Variants in R3HDM2 observed in about 807,000 individuals in gnomAD.
R3HDM2 encodes the protein R3H domain containing 2, also known as R3H domain-containing protein 2.
R3HDM2 carries 38 observed loss-of-function variants against 124.5 expected under a neutral mutation model. The observed-to-expected ratio is 0.31, with a 90% confidence interval of 0.24 to 0.40. R3HDM2 has a LOEUF of 0.40. Among genes scored for constraint, R3HDM2 ranks in the 10% least tolerant of loss-of-function variants. The probability of loss-of-function intolerance (pLI) is 1.00; values close to 1 mark genes in which losing one functional copy is unlikely to be tolerated. For synonymous variants in R3HDM2, 391 were observed against 448.0 expected, an observed-to-expected ratio of 0.87 and a Z score of 1.61; for missense variants, 869 against 1,236.9, an observed-to-expected ratio of 0.70 and a Z score of 4.46.
chr12:57,365,682 T>C (rs1023061979), intron 2 of R3HDM2, among the ~76,000 whole-genome samples: 1 of 152,198 alleles, frequency 6.6e-6, no homozygotes, highest in African/African-American at 2.4e-5. Flanking sequence ...ATGCCTGTAA[T>C]CCCAGCACTT....
chr12:57,283,807 A>C lies in R3HDM2; in HGVS notation c.1171+17T>G. On this transcript the variant is annotated intron_variant, in intron 13 of 23. Coordinates refer to ENST00000402412, the MANE Select transcript of R3HDM2 (RefSeq NM_001394031.1). ...AGAAGGGATGGGTATGACATGGAAG[A>C]AAAGAAGCTGTAATACCTGGCCTGG... 6.2e-7 allele frequency: 1 copy of C among 1,610,394 alleles called. No individual in the cohort carries two copies. Among genetic ancestry groups the C allele is most frequent in the South Asian group, 1.1e-5 (1 of 91,016 alleles).
At chr12:57,279,942 A>G (rs1416124659) in intron 14 of R3HDM2, among the ~76,000 whole-genome samples, 1 of 152,186 alleles carries the variant, frequency 6.6e-6, no homozygotes, top group African/African-American at 2.4e-5. Flanking sequence ...CCAACACATA[A>G]ATAGGTGTTT....
rs1273699662 is a variant in R3HDM2 at position 57,269,428 on chromosome 12, G to A, written c.1609C>T (p.Pro537Ser). ...PQQIQVSYYP[P>S]GQYPNSNQQY... ...TGGTTGGAGTTAGGATATTGTCCAG[G>A]GGGATAGTAAGAAACCTGGATCTAT... The change falls in exon 16 of 24, where the codon CCT (proline) becomes TCT (serine). Residue 537 changes from proline (P) to serine (S), a missense_variant. Pro to Ser is a moderately conservative substitution (Grantham distance 74). Coordinates refer to ENST00000402412, the MANE Select transcript of R3HDM2 (RefSeq NM_001394031.1). 6.2e-7 allele frequency: 1 copy of A among 1,614,094 alleles called. No homozygotes were observed.
intron 2 of R3HDM2, among the ~76,000 whole-genome samples, chr12:57,392,214 T>C (rs1014526382): frequency 1.3e-5 from 2 of 152,042 alleles, no homozygotes; most frequent in Non-Finnish European, 2.9e-5. Context: ...TAAGGGAAAA[T>C]CTTAAAAGCA....
intron 13 of R3HDM2, among the ~76,000 whole-genome samples, chr12:57,282,112 C>T (rs1473757038): frequency 5.3e-5 from 8 of 151,960 alleles, no homozygotes; most frequent in African/African-American, 1.7e-4. Context: ...GAGTTTGAGA[C>T]CAGCCTGGCC....
chr12:57,295,921 A>G (rs1210863587), intron 9 of R3HDM2, among the ~76,000 whole-genome samples: 1 of 152,160 alleles, frequency 6.6e-6, no homozygotes, highest in Non-Finnish European at 1.5e-5. Flanking sequence ...CCCAAGCTGG[A>G]GTGCATGGCG....
chr12:57,392,679 C>T lies in R3HDM2; in HGVS notation c.-36+3070G>A, dbSNP rs142062169. Among the ~76,000 whole-genome samples the T allele has an allele frequency of 2.2e-3, 328 of 152,172 alleles. 9 individuals carry two copies. The East Asian group carries it at 0.05, about 23-fold the overall frequency. On this transcript the variant is annotated intron_variant, in intron 2 of 23. Coordinates refer to ENST00000402412, the MANE Select transcript of R3HDM2 (RefSeq NM_001394031.1). ...CGCGATCTCGGCTCACCACAACCTC[C>T]GCCTCATTGGAAGCTATTCAAGCCC...
At chr12:57,365,704 G>A (rs1460980884) in intron 2 of R3HDM2, among the ~76,000 whole-genome samples, 13 of 152,182 alleles carry the variant, frequency 8.5e-5, no homozygotes, top group African/African-American at 2.9e-4. Context: ...GGGAAGCTGA[G>A]GCAGATGGAT....
chr12:57,269,281 T>A lies in R3HDM2; in HGVS notation c.1714+42A>T, dbSNP rs763008475. ...TACTTCTTTCTTTCCTGGTGTGCCC[T>A]TCCCTTATTCACTGCCTTCTTAAAC... On this transcript the variant is annotated intron_variant, in intron 16 of 23. Transcript: ENST00000402412. The A allele has an allele frequency of 1.9e-6, 3 of 1,609,292 alleles. No homozygotes were observed. In the South Asian group the frequency reaches 3.3e-5, roughly 18 times the overall value.
intron 2 of R3HDM2, among the ~76,000 whole-genome samples, chr12:57,381,799 G>GGATAGA (rs1472680343): frequency 5.3e-5 from 8 of 151,484 alleles, no homozygotes; most frequent in Admixed American, 2.0e-4. Flanking sequence ...TAGAGAGAGG[G>GGATAGA]GATAGAGATA....
intron 14 of R3HDM2, among the ~76,000 whole-genome samples, chr12:57,277,193 G>A (rs2045025012): frequency 6.6e-6 from 1 of 151,914 alleles, no homozygotes; most frequent in East Asian, 1.9e-4. Context: ...GACAAAAGGG[G>A]GCCCCGAGAA....
At chr12:57,317,662 G>A (rs960645329) in intron 2 of R3HDM2, among the ~76,000 whole-genome samples, 1 of 78,768 alleles carries the variant, frequency 1.3e-5, no homozygotes, top group Non-Finnish European at 2.5e-5. Context: ...ATATTAAGAA[G>A]ATAGTTAAAA....
intron 12 of R3HDM2, chr12:57,288,779 C>T: frequency 7.9e-7 from 1 of 1,265,058 alleles, no homozygotes; most frequent in Non-Finnish European, 1.1e-6. Flanking sequence ...TGGAGCAAAC[C>T]CACTCTGCTG....
In R3HDM2 at chr12:57,310,246, T is replaced by G; in HGVS notation, c.165+18A>C. ...GGAAAAAAAAAAAGTGTGCATACAA[T>G]GCATTTCCAATCGTTACCTGTGTCT... On this transcript the variant is annotated intron_variant, in intron 3 of 23. Coordinates refer to ENST00000402412, the MANE Select transcript of R3HDM2 (RefSeq NM_001394031.1). The G allele has an allele frequency of 6.7e-7, 1 of 1,500,426 alleles. No individual in the cohort carries two copies. The highest frequency in any genetic ancestry group is 2.5e-5 in the East Asian group (1 of 39,538). The allele number at this position is 1,500,426 out of a possible 1,614,324, so 92.9% of individuals were successfully genotyped here.
chr12:57,392,810 T>TC (rs2138727274), intron 2 of R3HDM2, among the ~76,000 whole-genome samples: 1 of 150,442 alleles, frequency 6.6e-6, no homozygotes, highest in East Asian at 1.9e-4. Flanking sequence ...TACACTTTTT[T>TC]TTTTTTTTTT....
intron 2 of R3HDM2, among the ~76,000 whole-genome samples, chr12:57,332,483 GTTCT>G (rs1388169587): frequency 6.8e-6 from 1 of 147,980 alleles, no homozygotes; most frequent in Non-Finnish European, 1.5e-5. Flanking sequence ...CCAAATTCAT[GTTCT>G]TTCTTTGATA....
At chr12:57,308,091 G>A (rs1273303471) in intron 3 of R3HDM2, among the ~76,000 whole-genome samples, 1 of 142,074 alleles carries the variant, frequency 7.0e-6, no homozygotes, top group East Asian at 2.1e-4. Context: ...GTCTCGCTCT[G>A]TCACCCAGGC....
At chr12:57,351,714 A>G (rs1397319874) in intron 2 of R3HDM2, among the ~76,000 whole-genome samples, 1 of 152,234 alleles carries the variant, frequency 6.6e-6, no homozygotes, top group Non-Finnish European at 1.5e-5. Flanking sequence ...CTTGCAAGAT[A>G]TTACAAAAAT....
At chr12:57,304,431 G>T (rs1028457631) in intron 3 of R3HDM2, 1 of 856,072 alleles carries the variant, frequency 1.2e-6, no homozygotes, top group Middle Eastern at 6.0e-4. Flanking sequence ...GGGAACTGAG[G>T]CAGGAGGATA....
Sources: allele counts gnomAD v4.1 joint callset (sites outside exome capture counted in the v4.1 genomes callset), GRCh38; gene constraint gnomAD v4.1.1; transcripts MANE v1.5; gene names NCBI Gene and HGNC (gene_info 2026-07-23, HGNC 2026-07-21).